Variants in SNRNP40 observed in about 807,000 individuals in gnomAD.
SNRNP40 encodes small nuclear ribonucleoprotein U5 subunit 40.
Under a neutral mutation model 45.8 loss-of-function variants are expected in SNRNP40, and 21 were observed. The ratio of observed to expected loss-of-function variants is 0.46; its 90% CI spans 0.32 to 0.66. The LOEUF (loss-of-function observed/expected upper bound fraction) is 0.66. Ranked by LOEUF, SNRNP40 falls within the 30% of genes least tolerant of loss-of-function variation. SNRNP40 has a pLI of 0.03. For missense variants in SNRNP40, 344 were observed against 439.1 expected (o/e 0.78, Z 1.94); for synonymous variants, 142 against 163.8 (o/e 0.87, Z 1.01).
intron 4 of SNRNP40, 74 bp downstream of exon 4, chr1:31,289,180 G>GT (rs572368269): frequency 3.2e-5 from 45 of 1,399,452 alleles, no homozygotes; most frequent in Non-Finnish European, 1.4e-5. Context: ...GGAAGCTAGA[G>GT]TACAAGTGGC....
At position 31,293,220 on chromosome 1, in the gene SNRNP40, T is replaced by C. The variant is rs756666650; in HGVS notation, c.270A>G (p.Ile90Met). 1 of 1,613,796 alleles carries C rather than the reference T, an allele frequency of 6.2e-7. No individual in the cohort carries two copies. The highest frequency in any genetic ancestry group is 8.5e-7 in the Non-Finnish European group (1 of 1,179,868). ...TLASAGFDRL[I>M]LLWNVYGDCD... ...CCAGATTCAAAAACTATGCCTCACA[T>C]ATCAGTCGGTCAAATCCTGCAGATG... Residue 90 changes from isoleucine (I) to methionine (M), a missense_variant and splice_region_variant, in exon 2 of 10, where the codon ATA becomes ATG. Around this residue, in one of 2 missense-constraint regions of SNRNP40, gnomAD observed 254 missense variants for 380.2 expected, o/e 0.67. Coordinates refer to ENST00000263694, the MANE Select transcript of SNRNP40 (RefSeq NM_004814.3).
At chr1:31,286,881 G>A (rs762827074) in intron 4 of SNRNP40, among the ~76,000 whole-genome samples, 1 of 152,092 alleles carries the variant, frequency 6.6e-6, no homozygotes, top group African/African-American at 2.4e-5. Flanking sequence ...CCCTGCTTTG[G>A]CCTATATAAC....
chr1:31,272,488 T>G (rs537481178), intron 5 of SNRNP40, among the ~76,000 whole-genome samples: 1 of 151,800 alleles, frequency 6.6e-6, no homozygotes, highest in East Asian at 1.9e-4. Context: ...GTAGAAAGAG[T>G]GGTGACTTAG....
chr1:31,273,347 C>T (rs1175415558), intron 5 of SNRNP40, among the ~76,000 whole-genome samples: 1 of 151,946 alleles, frequency 6.6e-6, no homozygotes, highest in Non-Finnish European at 1.5e-5. Flanking sequence ...CCAGGATTTG[C>T]CACAAAAAAA....
At chr1:31,267,283 G>C (rs977729094) in intron 8 of SNRNP40, among the ~76,000 whole-genome samples, 1 of 152,162 alleles carries the variant, frequency 6.6e-6, no homozygotes, top group African/African-American at 2.4e-5. Context: ...AGGGAAACTA[G>C]AGACAGATTA....
intron 4 of SNRNP40, among the ~76,000 whole-genome samples, chr1:31,287,420 A>C (rs1456057647): frequency 6.6e-6 from 1 of 152,236 alleles, no homozygotes; most frequent in Non-Finnish European, 1.5e-5. Context: ...AACCAAAAGA[A>C]GGCAGACAGA....
At position 31,294,072 on chromosome 1, in the gene SNRNP40, C is replaced by T. The variant is rs186284340; in HGVS notation, c.142-724G>A. ...TTTCTGGGTTCAAGGGATCTGGTGCCTCAGCCTCCCGAGCAGCCAAGATTA... is the reference window on the plus strand; with the variant it reads ...TTTCTGGGTTCAAGGGATCTGGTGCTTCAGCCTCCCGAGCAGCCAAGATTA... On this transcript the variant is annotated intron_variant, in intron 1 of 9. Transcript: ENST00000263694. Among the ~76,000 whole-genome samples, 70 of 152,144 alleles carry T rather than the reference C, an allele frequency of 4.6e-4. 1 individual carries two copies. Among genetic ancestry groups the T allele is most frequent in the Non-Finnish European group, 1.0e-4 (7 of 68,016 alleles).
At chr1:31,293,794 C>G (rs1033397955) in intron 1 of SNRNP40, among the ~76,000 whole-genome samples, 3 of 152,094 alleles carry the variant, frequency 2.0e-5, no homozygotes, top group African/African-American at 7.2e-5. Context: ...GTTGCCTAGG[C>G]TGGTCTCAAA....
At chr1:31,272,390 T>C (rs1261373247) in intron 5 of SNRNP40, among the ~76,000 whole-genome samples, 2 of 152,068 alleles carry the variant, frequency 1.3e-5, no homozygotes, top group Non-Finnish European at 2.9e-5. Flanking sequence ...AACCTAAACG[T>C]CAAGCAGGAA....
intron 5 of SNRNP40, among the ~76,000 whole-genome samples, chr1:31,277,466 A>G (rs1005485896): frequency 3.3e-5 from 5 of 152,234 alleles, no homozygotes; most frequent in African/African-American, 4.8e-5. Context: ...TGTTAAACAT[A>G]TATTTGAATG....
chr1:31,289,895 T>A (rs149200547), intron 3 of SNRNP40, among the ~76,000 whole-genome samples: 1 of 152,258 alleles, frequency 6.6e-6, no homozygotes, highest in East Asian at 1.9e-4. Context: ...TTTTTTGAGA[T>A]GAGATCTTGC....
chr1:31,292,023 T>G lies in SNRNP40; in HGVS notation c.272-17A>C. On this transcript the variant is annotated splice_polypyrimidine_tract_variant and intron_variant, in intron 2 of 9. Coordinates refer to ENST00000263694, the MANE Select transcript of SNRNP40 (RefSeq NM_004814.3). ...TCCACAGTACTGTTAGGGAGATGGG[T>G]TCTGTGAGCATTACTAGGCAAAGGG... The G allele has an allele frequency of 6.6e-7, 1 of 1,519,366 alleles. No individual in the cohort carries two copies. The highest frequency in any genetic ancestry group is 9.1e-7 in the Non-Finnish European group (1 of 1,093,740). The allele number at this position is 1,519,366 out of a possible 1,614,324, so 94.1% of individuals were successfully genotyped here.
intron 5 of SNRNP40, among the ~76,000 whole-genome samples, chr1:31,280,113 CAAAA>C (rs577919252): frequency 3.0e-5 from 2 of 67,630 alleles, no homozygotes; most frequent in East Asian, 5.3e-4. Context: ...GACTCTGACT[CAAAA>C]AAAAAAAAAA....
chr1:31,260,584 G>A (rs1024957251), intron 9 of SNRNP40, among the ~76,000 whole-genome samples: 1 of 151,916 alleles, frequency 6.6e-6, no homozygotes, highest in Admixed American at 6.6e-5. Context: ...ATTCTTGGCC[G>A]GGCGCAGTGG....
At chr1:31,266,340 T>G (rs973832578) in intron 8 of SNRNP40, among the ~76,000 whole-genome samples, 1 of 152,066 alleles carries the variant, frequency 6.6e-6, no homozygotes, top group African/African-American at 2.4e-5. Flanking sequence ...AAAGAGAAAC[T>G]CTAAAGGGGA....
At chr1:31,289,125 T>C in intron 4 of SNRNP40, 129 bp downstream of exon 4, 1 of 717,214 alleles carries the variant, frequency 1.4e-6, no homozygotes, top group Non-Finnish European at 2.3e-6. Context: ...GGGAAAAATT[T>C]CAAGTGTGTT....
intron 4 of SNRNP40, among the ~76,000 whole-genome samples, chr1:31,282,643 T>C (rs996525100): frequency 2.0e-5 from 3 of 151,842 alleles, no homozygotes; most frequent in African/African-American, 4.8e-5. Flanking sequence ...TATCTATCTA[T>C]GTATCTATGT....
chr1:31,262,804 CT>C (rs1486500925), intron 8 of SNRNP40, among the ~76,000 whole-genome samples: 2 of 151,752 alleles, frequency 1.3e-5, no homozygotes, highest in Non-Finnish European at 2.9e-5. Context: ...AGCTCAGGAG[CT>C]TGAGACCAGC....
intron 4 of SNRNP40, 138 bp downstream of exon 4, chr1:31,289,116 G>A (rs1569671254): frequency 1.5e-6 from 1 of 652,168 alleles, no homozygotes; most frequent in Non-Finnish European, 2.6e-6. Context: ...TTTTAAATGG[G>A]GAAAAATTTC....
Sources: gnomAD v4.1 joint callset for allele counts (sites outside exome capture counted in the v4.1 genomes callset) on GRCh38, gnomAD v4.1.1 for gene constraint, gnomAD v4.1.1 regional missense constraint, MANE v1.5 for transcripts, NCBI Gene and HGNC (gene_info 2026-07-23, HGNC 2026-07-21) for gene names.